Variants in SLC39A11 observed in about 807,000 individuals in gnomAD.
The protein encoded by SLC39A11 is solute carrier family 39 member 11.
Under a neutral mutation model 36.1 loss-of-function variants are expected in SLC39A11, and 33 were observed. The ratio of observed to expected loss-of-function variants is 0.91; its 90% CI spans 0.69 to 1.22. The LOEUF (loss-of-function observed/expected upper bound fraction) is 1.22, where lower values mean the gene tolerates loss of function less well. Ranked by LOEUF, SLC39A11 falls within the 50% of genes most tolerant of loss-of-function variation. The pLI, the probability that SLC39A11 is intolerant of heterozygous loss-of-function variation, is 0.00. For missense variants in SLC39A11, 432 were observed against 430.3 expected (o/e 1.00, Z -0.03); for synonymous variants, 166 against 170.3 (o/e 0.97, Z 0.20).
At chr17:72,871,601 C>G (rs1229897052) in intron 5 of SLC39A11, among the ~76,000 whole-genome samples, 1 of 152,040 alleles carries the variant, frequency 6.6e-6, no homozygotes, top group Non-Finnish European at 1.5e-5. Context: ...CCATAAAACC[C>G]CAGAAGGACG....
intron 5 of SLC39A11, among the ~76,000 whole-genome samples, chr17:72,884,905 C>T (rs2146615569): frequency 6.6e-6 from 1 of 152,274 alleles, no homozygotes; most frequent in East Asian, 1.9e-4. Context: ...ACGAGAGGAA[C>T]TCATCATTAA....
intron 7 of SLC39A11, among the ~76,000 whole-genome samples, chr17:72,665,496 T>C (rs887036212): frequency 4.8e-5 from 7 of 145,618 alleles, no homozygotes; most frequent in Non-Finnish European, 1.0e-4. Context: ...GTTAAAGCTA[T>C]CCTCCCATCT....
At chr17:72,843,109 C>T (rs2078893023) in intron 6 of SLC39A11, among the ~76,000 whole-genome samples, 1 of 152,042 alleles carries the variant, frequency 6.6e-6, no homozygotes, top group African/African-American at 2.4e-5. Flanking sequence ...GCCACCACGC[C>T]CAGCTAATTT....
At chr17:72,656,054 C>T (rs890568624) in intron 7 of SLC39A11, among the ~76,000 whole-genome samples, 9 of 152,276 alleles carry the variant, frequency 5.9e-5, no homozygotes, top group Admixed American at 5.9e-4. Flanking sequence ...GCTGACGATC[C>T]TGGGCAGGTG....
chr17:73,004,644 T>C (rs373667187), intron 4 of SLC39A11, among the ~76,000 whole-genome samples: 3 of 152,344 alleles, frequency 2.0e-5, no homozygotes, highest in African/African-American at 4.8e-5. Context: ...GTGGGTAAAA[T>C]AAGTCTCATT....
At chr17:72,782,561 C>G (rs1479041610) in intron 6 of SLC39A11, among the ~76,000 whole-genome samples, 2 of 151,650 alleles carry the variant, frequency 1.3e-5, no homozygotes, top group South Asian at 4.2e-4. Flanking sequence ...TGGTGGCGTA[C>G]AGTTATAATC....
intron 6 of SLC39A11, among the ~76,000 whole-genome samples, chr17:72,742,952 G>A (rs959353328): frequency 1.3e-5 from 2 of 152,144 alleles, no homozygotes; most frequent in East Asian, 1.9e-4. Context: ...TGCCAAAGGA[G>A]AAGCCATGTT....
At chr17:73,003,000 C>G (rs1273064207) in intron 4 of SLC39A11, among the ~76,000 whole-genome samples, 1 of 152,150 alleles carries the variant, frequency 6.6e-6, no homozygotes, top group Non-Finnish European at 1.5e-5. Flanking sequence ...CTCCCCATCT[C>G]CACATCCTTA....
chr17:72,963,921 G>T (rs2086796597), intron 4 of SLC39A11, among the ~76,000 whole-genome samples: 1 of 152,132 alleles, frequency 6.6e-6, no homozygotes, highest in Non-Finnish European at 1.5e-5. Context: ...ACAACTACAT[G>T]ATAATGAATC....
Position 72,837,929 on chromosome 17 carries a change from T to C in SLC39A11, c.601+11705A>G, listed in dbSNP as rs115619137. The C allele has an allele frequency of 2.4e-3, 3,008 of 1,228,692 alleles. 48 individuals are homozygous for C. In the African/African-American group the frequency reaches 0.042, roughly 17 times the overall value. The allele number at this position is 1,228,692 out of a possible 1,614,324, so 76.1% of individuals were successfully genotyped here. On this transcript the variant is annotated intron_variant, in intron 6 of 9. Transcript: ENST00000255559. The stretch of plus-strand genomic sequence containing the variant: ...TGCTAATAAGCATGCAGTTTCTTTT[T>C]TTCCTCAGAGGTACTGCTCAAAGAG...
chr17:72,831,059 G>A (rs1203538816), intron 6 of SLC39A11, among the ~76,000 whole-genome samples: 2 of 152,142 alleles, frequency 1.3e-5, no homozygotes, highest in Non-Finnish European at 2.9e-5. Context: ...AAAAGAGAAT[G>A]AGGGAAAATG....
chr17:72,762,836 C>A (rs989861671), intron 6 of SLC39A11, among the ~76,000 whole-genome samples: 33 of 152,286 alleles, frequency 2.2e-4, no homozygotes, highest in African/African-American at 7.0e-4. Context: ...GGCAGACAAG[C>A]AGAATGCCCA....
chr17:72,976,723 G>A lies in SLC39A11; in HGVS notation c.307-28848C>T, dbSNP rs1435069277. ...AAATTAGCCTGGCATGGTGGCACGT[G>A]CCTATAATCCCAGCTCCTCGGGAGG... On this transcript the variant is annotated intron_variant, in intron 4 of 9. Coordinates refer to ENST00000255559, the MANE Select transcript of SLC39A11 (RefSeq NM_139177.4). Among the ~76,000 whole-genome samples the A allele has an allele frequency of 2.6e-5, 4 of 152,006 alleles. No homozygotes were observed. In the East Asian group the frequency reaches 7.7e-4, roughly 29 times the overall value.
chr17:72,769,676 C>G (rs1215901613), intron 6 of SLC39A11, among the ~76,000 whole-genome samples: 1 of 152,112 alleles, frequency 6.6e-6, no homozygotes, highest in Admixed American at 6.5e-5. Context: ...TCCCGATTAG[C>G]TGCGACTACA....
At chr17:72,973,310 C>A (rs2087591424) in intron 4 of SLC39A11, among the ~76,000 whole-genome samples, 1 of 109,230 alleles carries the variant, frequency 9.2e-6, no homozygotes, top group South Asian at 3.3e-4. Context: ...GTGGCCCCAG[C>A]ACTGCCGGGG....
intron 6 of SLC39A11, among the ~76,000 whole-genome samples, chr17:72,778,452 A>T (rs906664907): frequency 6.6e-6 from 1 of 152,236 alleles, no homozygotes; most frequent in Non-Finnish European, 1.5e-5. Context: ...TTCACCCTTA[A>T]GCACTGATAT....
chr17:72,776,512 A>C (rs1419025757), intron 6 of SLC39A11, among the ~76,000 whole-genome samples: 2 of 151,440 alleles, frequency 1.3e-5, no homozygotes, highest in East Asian at 3.9e-4. Context: ...ATTATTCTCT[A>C]TATCAAAATA....
At chr17:72,689,114 G>A (rs1222425016) in intron 7 of SLC39A11, among the ~76,000 whole-genome samples, 3 of 152,110 alleles carry the variant, frequency 2.0e-5, no homozygotes, top group African/African-American at 4.8e-5. Flanking sequence ...TCAAAAATCC[G>A]GTAAATATTT....
intron 5 of SLC39A11, among the ~76,000 whole-genome samples, chr17:72,923,979 T>C (rs1285445129): frequency 6.6e-6 from 1 of 151,504 alleles, no homozygotes; most frequent in African/African-American, 2.4e-5. Flanking sequence ...GACTTGTCGC[T>C]ACAACAAATT....
Sources: gnomAD v4.1 joint callset for allele counts (sites outside exome capture counted in the v4.1 genomes callset) on GRCh38, gnomAD v4.1.1 for gene constraint, MANE v1.5 for transcripts, NCBI Gene and HGNC (gene_info 2026-07-23, HGNC 2026-07-21) for gene names.